ADGRG2: variants seen among roughly 807,000 people sequenced by gnomAD.
The protein encoded by ADGRG2 is adhesion G protein-coupled receptor G2.
ADGRG2 carries 26 observed loss-of-function variants against 74.1 expected under a neutral mutation model. The observed-to-expected ratio is 0.35, with a 90% CI of 0.26 to 0.49. ADGRG2 has a LOEUF of 0.49. ADGRG2 is among the 20% of genes least tolerant of loss of function. The pLI is 0.99. For synonymous variants in ADGRG2, 296 were observed against 295.2 expected (o/e 1.00, Z -0.03); for missense variants, 619 against 763.1 (o/e 0.81, Z 2.22).
At chrX:19,063,130 T>G (rs2061512990) in intron 3 of ADGRG2, among the ~76,000 whole-genome samples, 1 of 111,269 alleles carries the variant, frequency 9.0e-6, no homozygotes. Flanking sequence ...ACTGAAAGTG[T>G]TAAGGTCCAC....
At chrX:19,028,623 T>C (rs2060756751) in intron 9 of ADGRG2, among the ~76,000 whole-genome samples, 3 of 109,132 alleles carry the variant, frequency 2.7e-5, no homozygotes, top group South Asian at 8.0e-4. Context: ...TTGGGCCACA[T>C]ATAAAATACT....
Position 18,994,908 on chromosome X carries a change from C to G in ADGRG2, c.2857G>C (p.Ala953Pro). ...LLVNNDCSVHASGNGNASTER... is the reference protein window; with the variant it reads ...LLVNNDCSVHPSGNGNASTER... ...GAGACATACATACCATTCCCGCTTGCGTGTACTGAGCAATCATTATTCACT... is the reference window on the plus strand; with the variant it reads ...GAGACATACATACCATTCCCGCTTGGGTGTACTGAGCAATCATTATTCACT... The change falls in exon 28 of 29, where the codon GCA (alanine) becomes CCA (proline). Residue 953 changes from alanine (A) to proline (P), a missense_variant. Physicochemically the swap from Ala to Pro is conservative, Grantham distance 27. Around this residue, in one of 3 missense-constraint regions of ADGRG2, gnomAD observed 106 missense variants for 104.5 expected, o/e 1.01. Transcript: ENST00000379869. The G allele has an allele frequency of 8.3e-7, 1 of 1,198,280 alleles. No homozygotes were observed. Among genetic ancestry groups the G allele is most frequent in the South Asian group, 1.8e-5 (1 of 55,636 alleles).
chrX:19,067,439 C>T (rs931496185), intron 3 of ADGRG2, among the ~76,000 whole-genome samples: 2 of 111,986 alleles, frequency 1.8e-5, no homozygotes, highest in Middle Eastern at 4.2e-3. Context: ...GAAAACAATA[C>T]CCACATGCAC....
intron 1 of ADGRG2, among the ~76,000 whole-genome samples, chrX:19,100,866 G>A (rs989711553): frequency 3.5e-5 from 4 of 113,267 alleles, no homozygotes; most frequent in African/African-American, 9.6e-5. Context: ...ATCTGAAAAC[G>A]GGAAGAAAAG....
intron 4 of ADGRG2, among the ~76,000 whole-genome samples, chrX:19,038,494 C>T (rs1191362261): frequency 1.8e-5 from 2 of 112,087 alleles, no homozygotes; most frequent in Admixed American, 1.9e-4. Context: ...CTTAAATTAC[C>T]AAGGATATTT....
intron 4 of ADGRG2, among the ~76,000 whole-genome samples, chrX:19,038,265 C>A (rs2060983714): frequency 8.9e-6 from 1 of 112,175 alleles, no homozygotes. Flanking sequence ...ATGGCTTGAC[C>A]TCTACCTAAA....
chrX:19,107,740 A>G, intron 1 of ADGRG2, among the ~76,000 whole-genome samples: 1 of 109,394 alleles, frequency 9.1e-6, no homozygotes, highest in Non-Finnish European at 1.9e-5. Context: ...AGATATTTTA[A>G]AATGATGATA....
chrX:18,994,795 TAATA>T (rs2059986829), intron 28 of ADGRG2, 97 bp downstream of exon 28: 7 of 564,962 alleles, frequency 1.2e-5, no homozygotes. Context: ...ATATATGTAT[TAATA>T]GTTACTCACT....
At chrX:19,010,874 C>A in intron 16 of ADGRG2, 96 bp from the exon 17 acceptor site, 1 of 559,880 alleles carries the variant, frequency 1.8e-6, no homozygotes, top group Non-Finnish European at 2.8e-6. Context: ...CAAACTCACT[C>A]CTGGGTATTT....
chrX:19,055,187 T>C (rs2061388445), intron 3 of ADGRG2, among the ~76,000 whole-genome samples: 1 of 112,224 alleles, frequency 8.9e-6, no homozygotes, highest in Non-Finnish European at 1.9e-5. Flanking sequence ...TTATAGAGAC[T>C]GCTTAACCAG....
chrX:19,002,556 T>C (rs1203994175), intron 24 of ADGRG2, among the ~76,000 whole-genome samples: 2 of 112,086 alleles, frequency 1.8e-5, no homozygotes, highest in Admixed American at 9.5e-5. Flanking sequence ...TTTCAATATA[T>C]TGAGCACCTT....
intron 1 of ADGRG2, among the ~76,000 whole-genome samples, chrX:19,105,305 A>G (rs1171474640): frequency 8.9e-6 from 1 of 112,210 alleles, no homozygotes; most frequent in East Asian, 2.8e-4. Context: ...TACAAATTAT[A>G]CACAAGGCCA....
intron 1 of ADGRG2, among the ~76,000 whole-genome samples, chrX:19,115,761 C>T (rs2062501244): frequency 1.8e-5 from 2 of 110,832 alleles, no homozygotes; most frequent in South Asian, 7.7e-4. Context: ...GTTCAACAGA[C>T]TGGCCAACAC....
chrX:19,009,828 T>C (rs747190260), intron 17 of ADGRG2, 46 bp from the exon 18 acceptor site: 5 of 1,034,177 alleles, frequency 4.8e-6, no homozygotes, highest in Non-Finnish European at 6.6e-6. Flanking sequence ...TTTATTTATT[T>C]TGAGACGGAG....
At chrX:19,102,838 T>C (rs1028031933) in intron 1 of ADGRG2, among the ~76,000 whole-genome samples, 5 of 111,140 alleles carry the variant, frequency 4.5e-5, no homozygotes, top group Non-Finnish European at 9.4e-5. Flanking sequence ...AACCTGACCA[T>C]GCCAGCATCT....
intron 16 of ADGRG2, among the ~76,000 whole-genome samples, chrX:19,013,146 C>T (rs944091856): frequency 9.0e-6 from 1 of 111,406 alleles, no homozygotes; most frequent in African/African-American, 3.3e-5. Flanking sequence ...TTGGCTCAGT[C>T]CCAGCTCTGT....
At chrX:19,082,907 A>G (rs1490037282) in intron 1 of ADGRG2, among the ~76,000 whole-genome samples, 161 bp from the exon 2 acceptor site, 1 of 112,210 alleles carries the variant, frequency 8.9e-6, no homozygotes, top group Non-Finnish European at 1.9e-5. Flanking sequence ...AGTTACAGAA[A>G]AAATGGATGT....
At chrX:19,045,106 T>A (rs968965649) in intron 3 of ADGRG2, among the ~76,000 whole-genome samples, 1 of 109,830 alleles carries the variant, frequency 9.1e-6, no homozygotes, top group East Asian at 2.9e-4. Context: ...TCATTCCTTG[T>A]TAGTGCTTGA....
rs1358100216 is a variant in ADGRG2, at chrX:19,040,952, AT to A, written c.119-729del. ...ATTATTTCTCTATGTGTGTATATAT[AT>A]TTACATATATAGATATATGCATGTG... On this transcript the variant is annotated intron_variant, in intron 3 of 28. Transcript: ENST00000379869. Among the ~76,000 whole-genome samples, 3 of 111,381 alleles carry A rather than the reference AT, an allele frequency of 2.7e-5. No homozygotes were observed. The Admixed American group carries it at 2.9e-4, about 11-fold the overall frequency.
Sources: gnomAD v4.1 joint callset for allele counts (sites outside exome capture counted in the v4.1 genomes callset) on GRCh38, gnomAD v4.1.1 for gene constraint, gnomAD v4.1.1 regional missense constraint, MANE v1.5 for transcripts, NCBI Gene and HGNC (gene_info 2026-07-23, HGNC 2026-07-21) for gene names.